The following DPP10 variants were observed in gnomAD, a reference collection of about 807,000 sequenced individuals.
DPP10 encodes the protein inactive dipeptidyl peptidase 10.
DPP10 carries 33 observed loss-of-function variants against 120.9 expected under a neutral mutation model. The ratio of observed to expected loss-of-function variants is 0.27; its 90% CI spans 0.21 to 0.37. The LOEUF (loss-of-function observed/expected upper bound fraction) is 0.37. Among genes scored for constraint, DPP10 ranks in the 10% least tolerant of loss-of-function variants. DPP10 has a pLI of 1.00. For synonymous variants in DPP10, 337 were observed against 326.1 expected (o/e 1.03, Z -0.36); for missense variants, 816 against 942.8 (o/e 0.87, Z 1.76).
intron 3 of DPP10, among the ~76,000 whole-genome samples, chr2:115,480,485 A>G (rs796669078): frequency 6.6e-6 from 1 of 151,958 alleles, no homozygotes; most frequent in African/African-American, 2.4e-5. Context: ...TATTCATTCT[A>G]TTGTTGCTTG....
At chr2:115,100,160 G>C (rs1324190188) in intron 1 of DPP10, among the ~76,000 whole-genome samples, 2 of 152,136 alleles carry the variant, frequency 1.3e-5, no homozygotes, top group African/African-American at 4.8e-5. Context: ...ACTTGTCTCT[G>C]TTGGCTGCAT....
intron 1 of DPP10, among the ~76,000 whole-genome samples, chr2:114,541,428 C>T (rs539104991): frequency 2.6e-5 from 4 of 152,204 alleles, no homozygotes; most frequent in African/African-American, 7.2e-5. Context: ...TCAGGAATTC[C>T]GGAATTCCAT....
At chr2:114,919,549 T>C (rs1256567394) in intron 1 of DPP10, among the ~76,000 whole-genome samples, 1 of 152,230 alleles carries the variant, frequency 6.6e-6, no homozygotes, top group East Asian at 1.9e-4. Flanking sequence ...CCATGTTGGT[T>C]ATATAACGCA....
At chr2:114,756,723 G>C (rs965898012) in intron 1 of DPP10, among the ~76,000 whole-genome samples, 3 of 151,760 alleles carry the variant, frequency 2.0e-5, no homozygotes, top group Admixed American at 2.0e-4. Context: ...TAGGACCTCA[G>C]TCTTCATAAG....
chr2:115,628,604 C>T (rs2085567238), intron 5 of DPP10, among the ~76,000 whole-genome samples: 1 of 152,032 alleles, frequency 6.6e-6, no homozygotes, highest in African/African-American at 2.4e-5. Flanking sequence ...TGCCTATGTA[C>T]TGAATGGCAT....
chr2:115,214,084 G>A (rs1213949065), intron 1 of DPP10, among the ~76,000 whole-genome samples: 1 of 152,186 alleles, frequency 6.6e-6, no homozygotes, highest in Non-Finnish European at 1.5e-5. Context: ...CGTGGGTTGG[G>A]GTTGGGAAGC....
intron 1 of DPP10, among the ~76,000 whole-genome samples, chr2:114,481,297 CAAAT>C (rs1446849505): frequency 1.3e-5 from 2 of 150,980 alleles, no homozygotes; most frequent in Non-Finnish European, 3.0e-5. Flanking sequence ...ATACAGATAA[CAAAT>C]AAATAAATGA....
intron 1 of DPP10, among the ~76,000 whole-genome samples, chr2:114,523,399 C>T (rs769053860): frequency 3.9e-5 from 6 of 152,162 alleles, no homozygotes; most frequent in East Asian, 1.9e-4. Flanking sequence ...AGCACCAGCA[C>T]CCACAGCAGC....
intron 9 of DPP10, 99 bp downstream of exon 9, chr2:115,739,992 A>G: frequency 7.3e-7 from 1 of 1,370,722 alleles, no homozygotes; most frequent in Non-Finnish European, 1.0e-6. Flanking sequence ...TCTTTGGAGG[A>G]AAACAGAAGT....
chr2:114,957,248 C>A (rs993572796), intron 1 of DPP10, among the ~76,000 whole-genome samples: 2 of 151,638 alleles, frequency 1.3e-5, no homozygotes, highest in African/African-American at 4.8e-5. Context: ...ATAAATAACC[C>A]ATTGAAAAAT....
chr2:115,631,356 A>G (rs1453819982), intron 5 of DPP10, among the ~76,000 whole-genome samples: 1 of 151,712 alleles, frequency 6.6e-6, no homozygotes, highest in African/African-American at 2.4e-5. Context: ...AATTTTTTCA[A>G]AAACAAACTG....
chr2:114,619,481 A>T (rs1233850975), intron 1 of DPP10, among the ~76,000 whole-genome samples: 1 of 151,792 alleles, frequency 6.6e-6, no homozygotes, highest in African/African-American at 2.4e-5. Context: ...TTTTCCAGAC[A>T]TCAAAATACT....
intron 21 of DPP10, among the ~76,000 whole-genome samples, chr2:115,818,794 C>G (rs1053963652): frequency 6.6e-6 from 1 of 152,162 alleles, no homozygotes; most frequent in Non-Finnish European, 1.5e-5. Context: ...AGTTCAAATT[C>G]TTTTTCCCCA....
At chr2:114,493,793 A>T (rs1682218949) in intron 1 of DPP10, among the ~76,000 whole-genome samples, 2 of 152,144 alleles carry the variant, frequency 1.3e-5, no homozygotes. Context: ...TGCAAGAGAA[A>T]AGAAAGGTAA....
chr2:115,100,479 CAT>C (rs1491037477), intron 1 of DPP10, among the ~76,000 whole-genome samples: 9 of 151,626 alleles, frequency 5.9e-5, no homozygotes, highest in African/African-American at 1.5e-4. Flanking sequence ...CACACACACA[CAT>C]ATGAAATATA....
intron 1 of DPP10, among the ~76,000 whole-genome samples, chr2:114,885,160 G>A (rs1691956881): frequency 6.6e-6 from 1 of 152,198 alleles, no homozygotes; most frequent in Non-Finnish European, 1.5e-5. Flanking sequence ...TGTAGAGGAA[G>A]CATGCTGCTG....
intron 5 of DPP10, among the ~76,000 whole-genome samples, chr2:115,573,581 CTT>C (rs767336910): frequency 7.7e-3 from 544 of 70,216 alleles, no homozygotes; most frequent in African/African-American, 0.032. Context: ...TGCGCCCGGC[CTT>C]TTTTTTTTTT....
intron 3 of DPP10, among the ~76,000 whole-genome samples, chr2:115,430,078 A>G (rs1314180440): frequency 6.6e-6 from 1 of 152,230 alleles, no homozygotes; most frequent in African/African-American, 2.4e-5. Flanking sequence ...CTAGTTGGGA[A>G]ATAAATTAAA....
At chr2:115,017,607 C>A (rs530728597) in intron 1 of DPP10, among the ~76,000 whole-genome samples, 1 of 152,076 alleles carries the variant, frequency 6.6e-6, no homozygotes, top group East Asian at 1.9e-4. Flanking sequence ...CCAACGCAAA[C>A]GTCCAACAGT....
Sources: allele counts gnomAD v4.1 joint callset (sites outside exome capture counted in the v4.1 genomes callset), GRCh38; gene constraint gnomAD v4.1.1; transcripts MANE v1.5; gene names NCBI Gene and HGNC (gene_info 2026-07-23, HGNC 2026-07-21).